The following ADAMTS12 variants were observed in gnomAD, a reference collection of about 807,000 sequenced individuals.
The protein encoded by ADAMTS12 is A disintegrin and metalloproteinase with thrombospondin motifs 12.
Under a neutral mutation model 167.8 loss-of-function variants are expected in ADAMTS12, and 118 were observed. That is an observed-to-expected ratio of 0.70 (90% CI 0.61 to 0.82). The LOEUF (loss-of-function observed/expected upper bound fraction) is 0.82. Ranked by LOEUF, ADAMTS12 falls within the 40% of genes least tolerant of loss-of-function variation. The pLI, the probability that ADAMTS12 is intolerant of heterozygous loss-of-function variation, is 0.00. For synonymous variants in ADAMTS12, 704 were observed against 716.9 expected, an observed-to-expected ratio of 0.98 and a Z score of 0.29; for missense variants, 1,916 against 1,998.8, an observed-to-expected ratio of 0.96 and a Z score of 0.79.
chr5:33,636,726 T>C (rs550977452), intron 12 of ADAMTS12, among the ~76,000 whole-genome samples: 2 of 152,210 alleles, frequency 1.3e-5, no homozygotes, highest in Non-Finnish European at 2.9e-5. Flanking sequence ...TTTACTACCT[T>C]GCCTTAAATT....
intron 2 of ADAMTS12, among the ~76,000 whole-genome samples, chr5:33,849,325 ATATATG>A (rs1749100427): frequency 7.0e-6 from 1 of 143,156 alleles, no homozygotes; most frequent in South Asian, 2.2e-4. Context: ...ATAGCTATAT[ATATATG>A]TATTGAATAG....
chr5:33,790,581 A>G (rs1203041461), intron 2 of ADAMTS12, among the ~76,000 whole-genome samples: 1 of 150,730 alleles, frequency 6.6e-6, no homozygotes, highest in Non-Finnish European at 1.5e-5. Context: ...AGAAAAAAGA[A>G]AAAAGAATGT....
intron 5 of ADAMTS12, among the ~76,000 whole-genome samples, chr5:33,662,497 T>C (rs1018927936): frequency 2.0e-5 from 3 of 152,242 alleles, no homozygotes; most frequent in East Asian, 1.9e-4. Context: ...GGATGTTTTC[T>C]AACCCTTGAA....
intron 7 of ADAMTS12, among the ~76,000 whole-genome samples, chr5:33,649,984 T>A (rs1740815942): frequency 6.6e-6 from 1 of 152,210 alleles, no homozygotes; most frequent in African/African-American, 2.4e-5. Context: ...TGTCTGGCTT[T>A]CTTTCTATGA....
intron 18 of ADAMTS12, among the ~76,000 whole-genome samples, chr5:33,581,576 A>T (rs1747068495): frequency 6.6e-6 from 1 of 152,210 alleles, no homozygotes; most frequent in Admixed American, 6.5e-5. Flanking sequence ...AACAGTGAAT[A>T]CTTTGGGCAT....
At chr5:33,677,992 G>A (rs1305021842) in intron 5 of ADAMTS12, among the ~76,000 whole-genome samples, 2 of 152,052 alleles carry the variant, frequency 1.3e-5, no homozygotes, top group African/African-American at 4.8e-5. Context: ...AAGGTCTGTT[G>A]AAACCACCGC....
chr5:33,758,246 GAC>G (rs1745233054), intron 2 of ADAMTS12, among the ~76,000 whole-genome samples: 1 of 152,224 alleles, frequency 6.6e-6, no homozygotes, highest in South Asian at 2.1e-4. Flanking sequence ...TGTAGGAATG[GAC>G]AGAGGCATTT....
chr5:33,881,611 G>A, intron 1 of ADAMTS12, 131 bp from the exon 2 acceptor site: 1 of 1,311,232 alleles, frequency 7.6e-7, no homozygotes, highest in East Asian at 2.4e-5. Flanking sequence ...TCCCAGGCTG[G>A]AGTGCAATGG....
At chr5:33,768,571 T>C (rs1483204407) in intron 2 of ADAMTS12, among the ~76,000 whole-genome samples, 1 of 152,236 alleles carries the variant, frequency 6.6e-6, no homozygotes, top group Non-Finnish European at 1.5e-5. Flanking sequence ...GTAATGATTG[T>C]ACAGAATATA....
At chr5:33,775,975 C>T (rs967437858) in intron 2 of ADAMTS12, among the ~76,000 whole-genome samples, 5 of 151,886 alleles carry the variant, frequency 3.3e-5, no homozygotes, top group Admixed American at 1.3e-4. Context: ...TCACAAGAGA[C>T]GAAGAAAGTA....
intron 2 of ADAMTS12, among the ~76,000 whole-genome samples, chr5:33,877,948 G>A (rs1003115920): frequency 1.3e-5 from 2 of 152,164 alleles, no homozygotes; most frequent in African/African-American, 4.8e-5. Flanking sequence ...AGACGTCCTG[G>A]TCCACATGAA....
At chr5:33,874,961 G>T (rs530898600) in intron 2 of ADAMTS12, among the ~76,000 whole-genome samples, 1 of 152,100 alleles carries the variant, frequency 6.6e-6, no homozygotes, top group Non-Finnish European at 1.5e-5. Flanking sequence ...CTGGCTACTC[G>T]GGAGGCTGAC....
At chr5:33,574,058 C>T (rs1370870368) in intron 19 of ADAMTS12, among the ~76,000 whole-genome samples, 1 of 152,052 alleles carries the variant, frequency 6.6e-6, no homozygotes, top group South Asian at 2.1e-4. Flanking sequence ...TACCATCTCA[C>T]ACCAGTTAGA....
At chr5:33,641,752 C>T in intron 11 of ADAMTS12, 58 bp downstream of exon 11, 3 of 1,467,626 alleles carry the variant, frequency 2.0e-6, no homozygotes, top group Non-Finnish European at 2.7e-6. Context: ...TCAAGACTGC[C>T]CCCCATCCCG....
intron 2 of ADAMTS12, among the ~76,000 whole-genome samples, chr5:33,806,767 T>C (rs1346566788): frequency 2.0e-5 from 3 of 152,214 alleles, no homozygotes; most frequent in Non-Finnish European, 4.4e-5. Flanking sequence ...AAACGAATAC[T>C]GTCATGTTTC....
intron 5 of ADAMTS12, among the ~76,000 whole-genome samples, chr5:33,676,335 G>C (rs1309547530): frequency 6.6e-6 from 1 of 152,124 alleles, no homozygotes; most frequent in East Asian, 1.9e-4. Flanking sequence ...TGCACAATCT[G>C]ACCATGCTCT....
At chr5:33,668,206 T>TA (rs1423493808) in intron 5 of ADAMTS12, among the ~76,000 whole-genome samples, 3 of 152,192 alleles carry the variant, frequency 2.0e-5, no homozygotes, top group Non-Finnish European at 4.4e-5. Context: ...TACATGAGCC[T>TA]ACAATTGGAA....
chr5:33,692,116 C>T (rs533895012), intron 3 of ADAMTS12, among the ~76,000 whole-genome samples: 2 of 152,326 alleles, frequency 1.3e-5, no homozygotes, highest in South Asian at 4.1e-4. Flanking sequence ...TCCCCTCTTC[C>T]TCCTTGATTT....
chr5:33,560,518 A>T (rs696837), intron 20 of ADAMTS12, among the ~76,000 whole-genome samples: 101,633 of 151,858 alleles, frequency 0.67, 35,005 homozygotes, highest in African/African-American at 0.83. Flanking sequence ...CTTGGAACCA[A>T]CCCAAATGTC....
Sources: gnomAD v4.1 joint callset for allele counts (sites outside exome capture counted in the v4.1 genomes callset) on GRCh38, gnomAD v4.1.1 for gene constraint, MANE v1.5 for transcripts, NCBI Gene and HGNC (gene_info 2026-07-23, HGNC 2026-07-21) for gene names.